ADGRB3: variants seen among roughly 807,000 people sequenced by gnomAD.
The protein encoded by ADGRB3 is adhesion G protein-coupled receptor B3.
ADGRB3 carries 37 observed loss-of-function variants against 193.4 expected under a neutral mutation model. The ratio of observed to expected loss-of-function variants is 0.19; its 90% CI spans 0.15 to 0.25. ADGRB3 has a LOEUF of 0.25. ADGRB3 is among the 10% of genes least tolerant of loss of function. The pLI is 1.00. For missense variants in ADGRB3, 1,637 were observed against 1,852.9 expected, an observed-to-expected ratio of 0.88 and a Z score of 2.14; for synonymous variants, 690 against 644.2, an observed-to-expected ratio of 1.07 and a Z score of -1.08.
intron 3 of ADGRB3, among the ~76,000 whole-genome samples, chr6:68,922,730 G>C (rs1429305541): frequency 1.3e-5 from 2 of 152,300 alleles, no homozygotes; most frequent in East Asian, 3.9e-4. Context: ...TGAAGTATGA[G>C]CTGCATCTCC....
At chr6:68,892,549 T>G (rs1766107859) in intron 3 of ADGRB3, among the ~76,000 whole-genome samples, 1 of 152,148 alleles carries the variant, frequency 6.6e-6, no homozygotes, top group Non-Finnish European at 1.5e-5. Context: ...AATTTCTATT[T>G]ATTTATTTAT....
At chr6:68,977,351 A>T (rs1322196145) in intron 10 of ADGRB3, among the ~76,000 whole-genome samples, 2 of 152,022 alleles carry the variant, frequency 1.3e-5, no homozygotes, top group African/African-American at 2.4e-5. Flanking sequence ...TTATATCCAT[A>T]TTCAGTTCTT....
chr6:69,044,879 C>CT (rs11380641), intron 13 of ADGRB3, among the ~76,000 whole-genome samples: 145,314 of 152,148 alleles, frequency 0.96, 69,708 homozygotes, highest in East Asian at 1. Context: ...GTAAGAAAGG[C>CT]TTTTTTTCAA....
chr6:68,878,258 C>A (rs944317326), intron 3 of ADGRB3, among the ~76,000 whole-genome samples: 1 of 151,382 alleles, frequency 6.6e-6, no homozygotes, highest in African/African-American at 2.4e-5. Context: ...GTGTTTACTT[C>A]ATTATTATAA....
At chr6:69,257,064 C>T (rs866230101) in intron 20 of ADGRB3, among the ~76,000 whole-genome samples, 6,884 of 151,898 alleles carry the variant, frequency 0.045, 212 homozygotes, top group Middle Eastern at 0.12. Flanking sequence ...CACTTGATCA[C>T]GGTGGATAAG....
intron 16 of ADGRB3, 24 bp downstream of exon 16, chr6:69,063,060 G>T: frequency 6.5e-7 from 1 of 1,532,488 alleles, no homozygotes; most frequent in South Asian, 1.1e-5. Flanking sequence ...ACTGGGCACT[G>T]ACTTGCTTAT....
At chr6:69,010,031 T>A (rs931499188) in intron 11 of ADGRB3, among the ~76,000 whole-genome samples, 2 of 152,152 alleles carry the variant, frequency 1.3e-5, no homozygotes, top group Admixed American at 1.3e-4. Context: ...GTCCTTTTTG[T>A]CTCGTATAGC....
In ADGRB3 at chr6:69,345,759, A is replaced by G. The variant is rs143711676; in HGVS notation, c.3459+6255A>G. On this transcript the variant is annotated intron_variant, in intron 26 of 31. Coordinates refer to ENST00000370598, the MANE Select transcript of ADGRB3 (RefSeq NM_001704.3). The stretch of plus-strand genomic sequence containing the variant: ...AGTATTGAAACTTCTGGCCAGGGCA[A>G]TTGGGCAAGAGAAAGAAATAAAGGG... Among the ~76,000 whole-genome samples the G allele has an allele frequency of 7.2e-5, 11 of 152,298 alleles. No homozygotes were observed. The East Asian group carries it at 9.7e-4, about 13-fold the overall frequency.
intron 15 of ADGRB3, among the ~76,000 whole-genome samples, chr6:69,058,340 T>C (rs762072983): frequency 6.6e-6 from 1 of 151,920 alleles, no homozygotes. Flanking sequence ...TTCTTTTCAC[T>C]TACTCTTTTT....
At chr6:68,849,112 A>G (rs1057433462) in intron 3 of ADGRB3, among the ~76,000 whole-genome samples, 4 of 152,008 alleles carry the variant, frequency 2.6e-5, no homozygotes, top group Non-Finnish European at 4.4e-5. Context: ...TTGAAAAGGA[A>G]TAATATTTGC....
At chr6:69,269,324 C>A (rs1767120643) in intron 20 of ADGRB3, among the ~76,000 whole-genome samples, 1 of 151,984 alleles carries the variant, frequency 6.6e-6, no homozygotes, top group Non-Finnish European at 1.5e-5. Context: ...TTTGATACTT[C>A]ATTTTCAGAG....
intron 17 of ADGRB3, among the ~76,000 whole-genome samples, chr6:69,211,760 A>T (rs1372429215): frequency 6.6e-6 from 1 of 152,200 alleles, no homozygotes; most frequent in Non-Finnish European, 1.5e-5. Context: ...TTTGTTGAAC[A>T]CAAGAATAGA....
intron 3 of ADGRB3, among the ~76,000 whole-genome samples, chr6:68,767,485 C>T (rs772109619): frequency 2.0e-5 from 3 of 152,250 alleles, no homozygotes; most frequent in Admixed American, 2.0e-4. Flanking sequence ...TGATATAATT[C>T]AACACCCCTT....
chr6:68,636,890 G>A (rs777382388), intron 1 of ADGRB3, among the ~76,000 whole-genome samples: 41 of 148,152 alleles, frequency 2.8e-4, no homozygotes, highest in Non-Finnish European at 5.6e-4. Flanking sequence ...TGTCACATTG[G>A]CTCTCAACGC....
intron 8 of ADGRB3, among the ~76,000 whole-genome samples, chr6:68,971,731 G>A (rs1033641374): frequency 2.6e-5 from 4 of 152,216 alleles, no homozygotes; most frequent in Admixed American, 6.5e-5. Flanking sequence ...TATAACAAGC[G>A]AAGTGTGGGA....
intron 3 of ADGRB3, among the ~76,000 whole-genome samples, chr6:68,884,736 A>G (rs1167256049): frequency 1.3e-5 from 2 of 152,162 alleles, no homozygotes; most frequent in African/African-American, 4.8e-5. Flanking sequence ...TACACAAAAC[A>G]TAAGATGCTG....
intron 13 of ADGRB3, among the ~76,000 whole-genome samples, chr6:69,045,678 G>A (rs1387252858): frequency 1.3e-5 from 2 of 151,958 alleles, no homozygotes; most frequent in Admixed American, 6.5e-5. Context: ...AATACCTTAA[G>A]AAACAGACAT....
At chr6:69,094,285 C>A (rs1772802965) in intron 17 of ADGRB3, among the ~76,000 whole-genome samples, 1 of 152,194 alleles carries the variant, frequency 6.6e-6, no homozygotes, top group African/African-American at 2.4e-5. Context: ...TTAATTGGTG[C>A]ATTTTGATTA....
rs1032079832 is a variant in ADGRB3, at chr6:68,790,603, G to A, written c.758-139956G>A. The stretch of plus-strand genomic sequence containing the variant: ...TCTGAGACAAAACTTCCAGAGGAAC[G>A]ATCAGGCAGCAGCATCTGCGGTTCA... On this transcript the variant is annotated intron_variant, in intron 3 of 31. Coordinates refer to ENST00000370598, the MANE Select transcript of ADGRB3 (RefSeq NM_001704.3). Among the ~76,000 whole-genome samples, 4 of 152,108 alleles carry A rather than the reference G, an allele frequency of 2.6e-5. No individual in the cohort carries two copies. The East Asian group carries it at 7.7e-4, about 29-fold the overall frequency.
Sources: gnomAD v4.1 joint callset for allele counts (sites outside exome capture counted in the v4.1 genomes callset) on GRCh38, gnomAD v4.1.1 for gene constraint, MANE v1.5 for transcripts, NCBI Gene and HGNC (gene_info 2026-07-23, HGNC 2026-07-21) for gene names.